PLGRKT: variants seen among roughly 807,000 people sequenced by gnomAD.
The protein encoded by PLGRKT is plasminogen receptor (KT).
PLGRKT carries 22 observed loss-of-function variants against 18.5 expected under a neutral mutation model. That is an observed-to-expected ratio of 1.19 (90% CI 0.85 to 1.70). The LOEUF (loss-of-function observed/expected upper bound fraction) is 1.70, where lower values mean the gene tolerates loss of function less well. Among genes scored for constraint, PLGRKT ranks in the 40% most tolerant of loss-of-function variants. The pLI is 0.00. For synonymous variants in PLGRKT, 72 were observed against 52.8 expected (o/e 1.36, Z -1.58); for missense variants, 235 against 174.4 (o/e 1.35, Z -1.96).
At chr9:5,394,825 A>G (rs1294047803) in intron 3 of PLGRKT, among the ~76,000 whole-genome samples, 1 of 151,878 alleles carries the variant, frequency 6.6e-6, no homozygotes, top group Non-Finnish European at 1.5e-5. Context: ...TCTGTTTTTT[A>G]ATGAACTCTC....
At chr9:5,437,739 T>C (rs1328477533) in intron 1 of PLGRKT, 50 bp downstream of exon 1, 4 of 152,248 alleles carry the variant, frequency 2.6e-5, no homozygotes, top group Non-Finnish European at 5.9e-5. Context: ...CTGACTGACA[T>C]GGCCGGGCTG....
rs796807333 is a variant in PLGRKT at position 5,390,221 on chromosome 9, G to A, written c.82-28333C>T. On this transcript the variant is annotated intron_variant, in intron 3 of 5. Transcript: ENST00000223864. ...TGAATGTGTATATGTGTGTGCGTGT[G>A]TGTGTGTGTGTGTGTATGTGTATAT... Among the ~76,000 whole-genome samples, 973 of 112,848 alleles carry A rather than the reference G, an allele frequency of 8.6e-3. 5 individuals carry two copies. Among genetic ancestry groups the A allele is most frequent in the Non-Finnish European group, 0.014 (672 of 48,374 alleles). The allele number at this position is 112,848 out of a possible 152,430, so 74.0% of individuals were successfully genotyped here.
At chr9:5,396,617 A>C (rs1047494791) in intron 3 of PLGRKT, among the ~76,000 whole-genome samples, 1 of 152,070 alleles carries the variant, frequency 6.6e-6, no homozygotes, top group Non-Finnish European at 1.5e-5. Context: ...TTTCAATAAA[A>C]CATTTTCACA....
At chr9:5,407,790 G>A (rs928862108) in intron 3 of PLGRKT, among the ~76,000 whole-genome samples, 2 of 152,118 alleles carry the variant, frequency 1.3e-5, no homozygotes, top group African/African-American at 4.8e-5. Flanking sequence ...TGAAATAATT[G>A]GCTTAAAAAT....
At chr9:5,422,487 C>G (rs1323730380) in intron 3 of PLGRKT, among the ~76,000 whole-genome samples, 1 of 151,958 alleles carries the variant, frequency 6.6e-6, no homozygotes, top group African/African-American at 2.4e-5. Context: ...GAGCTGGTTT[C>G]TTCAACAAAT....
chr9:5,422,833 T>C (rs894142988), intron 3 of PLGRKT, among the ~76,000 whole-genome samples: 1 of 152,126 alleles, frequency 6.6e-6, no homozygotes, highest in Non-Finnish European at 1.5e-5. Flanking sequence ...ATATTGGTTT[T>C]AAAGTTTTTT....
intron 3 of PLGRKT, among the ~76,000 whole-genome samples, chr9:5,400,150 G>A (rs1818129159): frequency 6.6e-6 from 1 of 151,758 alleles, no homozygotes; most frequent in African/African-American, 2.4e-5. Context: ...TACAGCTGAA[G>A]TTCTCCTTGT....
intron 3 of PLGRKT, among the ~76,000 whole-genome samples, chr9:5,411,946 G>T (rs1818374508): frequency 6.6e-6 from 1 of 152,068 alleles, no homozygotes; most frequent in Admixed American, 6.6e-5. Context: ...TTATACTTGG[G>T]CATGTTGATA....
intron 5 of PLGRKT, 146 bp from the exon 6 acceptor site, chr9:5,358,506 G>A (rs1303848454): frequency 1.8e-6 from 1 of 566,080 alleles, no homozygotes; most frequent in Admixed American, 3.0e-5. Context: ...CTCAGGAGAA[G>A]TAATATACTT....
At chr9:5,384,672 A>C (rs987036255) in intron 3 of PLGRKT, among the ~76,000 whole-genome samples, 1 of 152,160 alleles carries the variant, frequency 6.6e-6, no homozygotes, top group Non-Finnish European at 1.5e-5. Context: ...TGTAAACATG[A>C]CATGAAAAAG....
chr9:5,399,818 C>T lies in PLGRKT; in HGVS notation c.81+32079G>A, dbSNP rs115428546. ...CAGCCTGGCCAACATGGCTAAACTA[C>T]GTCGCTACTAAAAATACCAAAAATT... On this transcript the variant is annotated intron_variant, in intron 3 of 5. Coordinates refer to ENST00000223864, the MANE Select transcript of PLGRKT (RefSeq NM_018465.4). 2.6e-3 allele frequency among the ~76,000 whole-genome samples: 390 copies of T among 151,504 alleles called. 9 individuals are homozygous for T. Among genetic ancestry groups the T allele is most frequent in the African/African-American group, 8.6e-3 (351 of 41,030 alleles).
chr9:5,381,451 G>A (rs1012052546), intron 3 of PLGRKT, among the ~76,000 whole-genome samples: 4 of 152,236 alleles, frequency 2.6e-5, no homozygotes, highest in South Asian at 2.1e-4. Flanking sequence ...CAGCTTCCAC[G>A]TGGTGTTGAG....
In PLGRKT at chr9:5,419,570, C is replaced by T. The variant is rs72705409; in HGVS notation, c.81+12327G>A. 4.2e-3 allele frequency among the ~76,000 whole-genome samples: 646 copies of T among 152,322 alleles called. 2 individuals carry two copies. Among genetic ancestry groups the T allele is most frequent in the Middle Eastern group, 6.8e-3 (2 of 292 alleles). ...ACAAAAAAGACTAGAACTGACATTTCGCCAAAGCAGATATACAAATGGCCA... is the reference window on the plus strand; with the variant it reads ...ACAAAAAAGACTAGAACTGACATTTTGCCAAAGCAGATATACAAATGGCCA... On this transcript the variant is annotated intron_variant, in intron 3 of 5. Coordinates refer to ENST00000223864, the MANE Select transcript of PLGRKT (RefSeq NM_018465.4).
At chr9:5,412,541 C>T (rs1164036766) in intron 3 of PLGRKT, among the ~76,000 whole-genome samples, 1 of 152,180 alleles carries the variant, frequency 6.6e-6, no homozygotes, top group African/African-American at 2.4e-5. Context: ...TCATATGATG[C>T]TTCCCGCCAT....
intron 3 of PLGRKT, among the ~76,000 whole-genome samples, chr9:5,363,219 T>G (rs1817306861): frequency 6.6e-6 from 1 of 150,990 alleles, no homozygotes; most frequent in Non-Finnish European, 1.5e-5. Context: ...CGAGAGTGCT[T>G]TTCTGCTTTG....
At chr9:5,399,638 C>G (rs1439154570) in intron 3 of PLGRKT, among the ~76,000 whole-genome samples, 1 of 151,678 alleles carries the variant, frequency 6.6e-6, no homozygotes, top group African/African-American at 2.4e-5. Context: ...TGTAAGTATA[C>G]TAATGTCTTT....
Position 5,391,386 on chromosome 9 carries a change from T to A in PLGRKT, c.82-29498A>T, listed in dbSNP as rs542447132. 4.6e-4 allele frequency among the ~76,000 whole-genome samples: 70 copies of A among 152,096 alleles called. 1 individual carries two copies. Among genetic ancestry groups the A allele is most frequent in the Non-Finnish European group, 6.8e-4 (46 of 68,030 alleles). Reference sequence around the variant, plus strand: ...AAAGTCATCCTGCTGCAATACTAATTTCACCTAGATTATCGCAATATTTCT... The same window carrying A: ...AAAGTCATCCTGCTGCAATACTAATATCACCTAGATTATCGCAATATTTCT... On this transcript the variant is annotated intron_variant, in intron 3 of 5. Transcript: ENST00000223864.
rs540533816 is a variant in PLGRKT at position 5,396,411 on chromosome 9, G to A, written c.82-34523C>T. Reference sequence around the variant, plus strand: ...AGTGATTCTCCTGCCTCAGCCTCCCGAGTAGCTGGCACTACAGGCATGTAC... The same window carrying A: ...AGTGATTCTCCTGCCTCAGCCTCCCAAGTAGCTGGCACTACAGGCATGTAC... On this transcript the variant is annotated intron_variant, in intron 3 of 5. Coordinates refer to ENST00000223864, the MANE Select transcript of PLGRKT (RefSeq NM_018465.4). Among the ~76,000 whole-genome samples the A allele has an allele frequency of 1.2e-3, 185 of 151,204 alleles. 12 individuals carry two copies. Among genetic ancestry groups the A allele is most frequent in the African/African-American group, 4.4e-3 (180 of 40,976 alleles).
At chr9:5,384,854 T>G in intron 3 of PLGRKT, among the ~76,000 whole-genome samples, 1 of 152,196 alleles carries the variant, frequency 6.6e-6, no homozygotes, top group Non-Finnish European at 1.5e-5. Flanking sequence ...TAATGTGAAT[T>G]TCCTTCTTGT....
Sources: gnomAD v4.1 joint callset for allele counts (sites outside exome capture counted in the v4.1 genomes callset) on GRCh38, gnomAD v4.1.1 for gene constraint, MANE v1.5 for transcripts, NCBI Gene and HGNC (gene_info 2026-07-23, HGNC 2026-07-21) for gene names.